The following ACER2 variants were observed in gnomAD, a reference collection of about 807,000 sequenced individuals.
The protein encoded by ACER2 is alkCDase 2.
ACER2 carries 26 observed loss-of-function variants against 34.7 expected under a neutral mutation model. That is an observed-to-expected ratio of 0.75 (90% confidence interval 0.55 to 1.04). ACER2 has a LOEUF of 1.04. Among genes scored for constraint, ACER2 ranks in the 50% least tolerant of loss-of-function variants. ACER2 has a pLI of 0.00. For missense variants in ACER2, 352 were observed against 340.8 expected, an observed-to-expected ratio of 1.03 and a Z score of -0.26; for synonymous variants, 138 against 132.1, an observed-to-expected ratio of 1.04 and a Z score of -0.31.
chr9:19,417,409 G>T (rs1249398890), intron 1 of ACER2, among the ~76,000 whole-genome samples: 3 of 152,108 alleles, frequency 2.0e-5, no homozygotes, highest in African/African-American at 7.2e-5. Context: ...AGCCCACATT[G>T]CCAAGGCATT....
intron 4 of ACER2, among the ~76,000 whole-genome samples, chr9:19,441,037 T>G (rs1264504987): frequency 6.6e-6 from 1 of 151,566 alleles, no homozygotes; most frequent in Non-Finnish European, 1.5e-5. Context: ...CACATTTTTC[T>G]TTTTCTTTTT....
At chr9:19,427,627 C>G (rs1026564538) in intron 3 of ACER2, among the ~76,000 whole-genome samples, 1 of 138,890 alleles carries the variant, frequency 7.2e-6, no homozygotes, top group Non-Finnish European at 1.6e-5. Flanking sequence ...TTCCCTCCCT[C>G]CCCCCCTCCT....
chr9:19,438,034 G>C (rs533084001), intron 4 of ACER2, among the ~76,000 whole-genome samples: 15 of 152,260 alleles, frequency 9.9e-5, no homozygotes, highest in African/African-American at 3.6e-4. Flanking sequence ...GCTAATGACT[G>C]GGCAAGATAC....
At chr9:19,414,051 AC>A (rs1830165950) in intron 1 of ACER2, among the ~76,000 whole-genome samples, 1 of 152,224 alleles carries the variant, frequency 6.6e-6, no homozygotes, top group Non-Finnish European at 1.5e-5. Flanking sequence ...GGATTGATGT[AC>A]TGTGAGGATA....
rs569942366 is a variant in ACER2, at chr9:19,430,992, CAAA to C, written c.366-3954_366-3952del. ...AAAAAAACAAAAAACCCAACAAAAC[CAAA>C]CAACAACAACAACAAAAACCCATGT... On this transcript the variant is annotated intron_variant, in intron 3 of 5. Coordinates refer to ENST00000340967, the MANE Select transcript of ACER2 (RefSeq NM_001010887.3). 1.6e-4 allele frequency among the ~76,000 whole-genome samples: 23 copies of C among 148,110 alleles called. No individual in the cohort carries two copies. The South Asian group carries it at 5.1e-3, about 33-fold the overall frequency.
intron 5 of ACER2, among the ~76,000 whole-genome samples, chr9:19,447,004 G>C (rs913005602): frequency 1.3e-5 from 2 of 151,888 alleles, no homozygotes; most frequent in Non-Finnish European, 2.9e-5. Flanking sequence ...CTATACTTTG[G>C]AATGCTCAGG....
chr9:19,409,676 G>C (rs1830028188), intron 1 of ACER2: 1 of 932,448 alleles, frequency 1.1e-6, no homozygotes, highest in Non-Finnish European at 1.3e-6. Context: ...CTCCCACCAG[G>C]CAGACTTGCC....
chr9:19,432,520 G>T (rs960264951), intron 3 of ACER2, among the ~76,000 whole-genome samples: 1 of 151,560 alleles, frequency 6.6e-6, no homozygotes, highest in East Asian at 1.9e-4. Context: ...GAGTAGTTGA[G>T]ACCTTAGGAC....
At position 19,423,857 on chromosome 9, in the gene ACER2, T is replaced by A. The variant is rs781300666; in HGVS notation, c.109-5T>A. 6 of 1,610,224 alleles carry A rather than the reference T, an allele frequency of 3.7e-6. No individual in the cohort carries two copies. The highest frequency in any genetic ancestry group is 3.3e-5 in the Admixed American group (2 of 60,018). The stretch of plus-strand genomic sequence containing the variant: ...ATCTTTCTGTTTTACATTTTTTTCC[T>A]GCAGATCAGCAATGTCTTATTTTTC... On this transcript the variant is annotated splice_region_variant and splice_polypyrimidine_tract_variant and intron_variant, in intron 1 of 5. Transcript: ENST00000340967.
chr9:19,417,408 T>C (rs1402693891), intron 1 of ACER2, among the ~76,000 whole-genome samples: 1 of 152,176 alleles, frequency 6.6e-6, no homozygotes, highest in Non-Finnish European at 1.5e-5. Context: ...AAGCCCACAT[T>C]GCCAAGGCAT....
chr9:19,418,052 C>G (rs181235065), intron 1 of ACER2, among the ~76,000 whole-genome samples: 2 of 152,300 alleles, frequency 1.3e-5, no homozygotes, highest in Admixed American at 1.3e-4. Context: ...TGAACAGACA[C>G]TTCTCAAAAG....
At chr9:19,417,795 T>C (rs1401364976) in intron 1 of ACER2, among the ~76,000 whole-genome samples, 1 of 152,198 alleles carries the variant, frequency 6.6e-6, no homozygotes, top group Non-Finnish European at 1.5e-5. Flanking sequence ...GACATATGCA[T>C]GGGCAAAGAC....
chr9:19,431,353 C>A (rs13283709), intron 3 of ACER2, among the ~76,000 whole-genome samples: 15 of 152,182 alleles, frequency 9.9e-5, no homozygotes, highest in Non-Finnish European at 2.1e-4. Flanking sequence ...GAATGCATAT[C>A]GGTCTCACTG....
chr9:19,443,100 G>T (rs1017785660), intron 4 of ACER2, among the ~76,000 whole-genome samples: 1 of 152,078 alleles, frequency 6.6e-6, no homozygotes, highest in African/African-American at 2.4e-5. Flanking sequence ...GCGCGATCTC[G>T]GCTCACTGCA....
intron 3 of ACER2, among the ~76,000 whole-genome samples, chr9:19,434,129 C>T (rs1830864581): frequency 6.6e-6 from 1 of 150,910 alleles, no homozygotes; most frequent in Admixed American, 6.6e-5. Context: ...CCTCACATCC[C>T]AGACAGGGCG....
intron 2 of ACER2, 48 bp from the exon 3 acceptor site, chr9:19,424,652 G>C (rs749611325): frequency 5.7e-5 from 92 of 1,608,848 alleles, no homozygotes; most frequent in Non-Finnish European, 7.6e-5. Context: ...TATTGAATTT[G>C]TGTCTCTTCT....
chr9:19,411,249 C>G lies in ACER2; in HGVS notation c.108+2057C>G, dbSNP rs1206008647. Among the ~76,000 whole-genome samples the G allele has an allele frequency of 4.6e-5, 7 of 152,294 alleles. 1 individual carries two copies. In the South Asian group the frequency reaches 1.5e-3, roughly 32 times the overall value. ...CTGGCCCATCTGACAAACTTTATTC[C>G]TTGGAATACTCATAAACCACAAAAT... On this transcript the variant is annotated intron_variant, in intron 1 of 5. Coordinates refer to ENST00000340967, the MANE Select transcript of ACER2 (RefSeq NM_001010887.3).
chr9:19,446,310 G>A lies in ACER2; in HGVS notation c.533G>A (p.Gly178Asp), dbSNP rs763657556. ...GACAACATGCGTGTGTTTAAGCTGGGCCTCTTCTCGGGCCTCTGGTGGACC... is the reference window on the plus strand; with the variant it reads ...GACAACATGCGTGTGTTTAAGCTGGACCTCTTCTCGGGCCTCTGGTGGACC... ...RCDNMRVFKL[G>D]LFSGLWWTLA... Residue 178 changes from glycine to aspartate, a missense_variant, in exon 5 of 6, where the codon GGC becomes GAC. Gly to Asp is a moderately conservative substitution (Grantham distance 94). Coordinates refer to ENST00000340967, the MANE Select transcript of ACER2 (RefSeq NM_001010887.3). 1 of 1,614,180 alleles carries A rather than the reference G, an allele frequency of 6.2e-7. No homozygotes were observed. The highest frequency in any genetic ancestry group is 8.5e-7 in the Non-Finnish European group (1 of 1,180,030).
rs757923845 is a variant in ACER2, at chr9:19,409,055, G to C, written c.-30G>C. On this transcript the variant is annotated 5_prime_UTR_variant, in exon 1 of 6. Coordinates refer to ENST00000340967, the MANE Select transcript of ACER2 (RefSeq NM_001010887.3). ...AGCTCTGGGCTCTTCTCAGCTGCGC[G>C]AGCAGCTGCTCCAATGCCCCGGAGT... 2 of 1,538,764 alleles carry C rather than the reference G, an allele frequency of 1.3e-6. No individual in the cohort carries two copies. The highest frequency in any genetic ancestry group is 2.4e-5 in the East Asian group (1 of 41,722).
Sources: gnomAD v4.1 joint callset for allele counts (sites outside exome capture counted in the v4.1 genomes callset) on GRCh38, gnomAD v4.1.1 for gene constraint, MANE v1.5 for transcripts, NCBI Gene and HGNC (gene_info 2026-07-23, HGNC 2026-07-21) for gene names.